MGAT4C: variants seen among roughly 807,000 people sequenced by gnomAD.
MGAT4C encodes the protein MGAT4 family member C.
MGAT4C carries 19 observed loss-of-function variants against 40.1 expected under a neutral mutation model. The observed-to-expected ratio is 0.47, with a 90% CI of 0.33 to 0.70. The LOEUF is 0.70. MGAT4C is among the 30% of genes least tolerant of loss of function. The probability of loss-of-function intolerance (pLI) is 0.02; values close to 1 mark genes in which losing one functional copy is unlikely to be tolerated. For synonymous variants in MGAT4C, 181 were observed against 187.1 expected, an observed-to-expected ratio of 0.97 and a Z score of 0.27; for missense variants, 491 against 563.2, an observed-to-expected ratio of 0.87 and a Z score of 1.30.
intron 2 of MGAT4C, among the ~76,000 whole-genome samples, chr12:86,727,008 T>C (rs1950832354): frequency 6.6e-6 from 1 of 152,134 alleles, no homozygotes; most frequent in African/African-American, 2.4e-5. Context: ...GTTAAACATA[T>C]TGAAAGGCTC....
chr12:86,201,472 C>T (rs1246861373), intron 1 of MGAT4C, among the ~76,000 whole-genome samples: 1 of 148,760 alleles, frequency 6.7e-6, no homozygotes, highest in African/African-American at 2.4e-5. Flanking sequence ...TAAAACATTT[C>T]ATATTTACAT....
At chr12:86,352,172 C>G (rs936272541) in intron 3 of MGAT4C, among the ~76,000 whole-genome samples, 1 of 151,936 alleles carries the variant, frequency 6.6e-6, no homozygotes, top group Admixed American at 6.6e-5. Flanking sequence ...TCTGTTATAA[C>G]AAAAACAATG....
At chr12:86,048,056 G>GA (rs202162322) in intron 2 of MGAT4C, among the ~76,000 whole-genome samples, 46 of 149,938 alleles carry the variant, frequency 3.1e-4, no homozygotes, top group Admixed American at 2.5e-3. Context: ...ATAAGAACAA[G>GA]AAAAAAAAAG....
At chr12:86,237,812 G>A (rs916023446) in intron 1 of MGAT4C, among the ~76,000 whole-genome samples, 1 of 152,026 alleles carries the variant, frequency 6.6e-6, no homozygotes, top group African/African-American at 2.4e-5. Flanking sequence ...GTAATTAACT[G>A]TAACAGTTAA....
chr12:86,382,040 G>A (rs760631717), intron 3 of MGAT4C, among the ~76,000 whole-genome samples: 2 of 152,068 alleles, frequency 1.3e-5, no homozygotes, highest in African/African-American at 4.8e-5. Context: ...TCTTTATCCC[G>A]AAAATGTGGA....
In MGAT4C at chr12:85,974,828, G is replaced by C. The variant is rs1413936038; in HGVS notation, c.*4461C>G. The C allele has an allele frequency of 3.3e-5, 5 of 150,386 alleles. No individual in the cohort carries two copies. Among genetic ancestry groups the C allele is most frequent in the African/African-American group, 4.9e-5 (2 of 41,186 alleles). The allele number at this position is 150,386 out of a possible 1,614,324, so 9.3% of individuals were successfully genotyped here. On this transcript the variant is annotated 3_prime_UTR_variant, in exon 5 of 5. Coordinates refer to ENST00000611864, the MANE Select transcript of MGAT4C (RefSeq NM_001351288.2). ...CAATGAAACTCAAAGTAGACTAGCAGATAAGATACCTATTTCAAACATCAG... is the reference window on the plus strand; with the variant it reads ...CAATGAAACTCAAAGTAGACTAGCACATAAGATACCTATTTCAAACATCAG...
chr12:86,780,564 A>G (rs542549956), intron 1 of MGAT4C, among the ~76,000 whole-genome samples: 1 of 152,206 alleles, frequency 6.6e-6, no homozygotes, highest in South Asian at 2.1e-4. Flanking sequence ...CCATCGTAAG[A>G]TGTGCATGGA....
At chr12:86,114,852 ACCCT>A (rs1878118040) in intron 1 of MGAT4C, among the ~76,000 whole-genome samples, 1 of 151,786 alleles carries the variant, frequency 6.6e-6, no homozygotes, top group Non-Finnish European at 1.5e-5. Flanking sequence ...TCTATTACCT[ACCCT>A]AAGGAAATAA....
At chr12:86,628,846 C>T (rs1400776208) in intron 2 of MGAT4C, among the ~76,000 whole-genome samples, 3 of 152,028 alleles carry the variant, frequency 2.0e-5, no homozygotes, top group African/African-American at 4.8e-5. Context: ...AACTAAAGGG[C>T]AAAATAACCA....
chr12:86,311,793 C>A (rs566766171), intron 4 of MGAT4C, among the ~76,000 whole-genome samples: 152 of 152,302 alleles, frequency 1.0e-3, no homozygotes, highest in Non-Finnish European at 1.7e-3. Context: ...TCCTTCTGAC[C>A]TCCACCATCT....
chr12:86,449,132 A>G (rs1188663110), intron 2 of MGAT4C, among the ~76,000 whole-genome samples: 1 of 152,186 alleles, frequency 6.6e-6, no homozygotes, highest in Non-Finnish European at 1.5e-5. Context: ...CAAAACGTTT[A>G]GGTGGTATGT....
At position 85,983,599 on chromosome 12, in the gene MGAT4C, G is replaced by C. The variant is rs1244681756; in HGVS notation, c.219C>G (p.Phe73Leu). The change falls in exon 4 of 5, where the codon TTC (phenylalanine) becomes TTG (leucine). Residue 73 changes from phenylalanine to leucine, a missense_variant. Phe to Leu is a conservative substitution (Grantham distance 22, BLOSUM62 0). Coordinates refer to ENST00000611864, the MANE Select transcript of MGAT4C (RefSeq NM_001351288.2). ...QLNSERYVHT[F>L]KDLSNFSGAI... ...CTCCTGAGAAATTAGATAAATCCTT[G>C]AAAGTATGAACATAGCGTTCTGAAT... 6.3e-7 allele frequency: 1 copy of C among 1,597,220 alleles called. No individual in the cohort carries two copies. Among genetic ancestry groups the C allele is most frequent in the Admixed American group, 1.7e-5 (1 of 57,478 alleles).
intron 1 of MGAT4C, among the ~76,000 whole-genome samples, chr12:86,201,156 G>A (rs1480375019): frequency 2.0e-5 from 3 of 152,152 alleles, no homozygotes; most frequent in Non-Finnish European, 2.9e-5. Context: ...GCTTTCAAGG[G>A]TGTGAAGTTA....
chr12:86,675,795 T>A (rs1244912297), intron 2 of MGAT4C, among the ~76,000 whole-genome samples: 1 of 152,188 alleles, frequency 6.6e-6, no homozygotes, highest in Non-Finnish European at 1.5e-5. Context: ...GAGATATCCA[T>A]CACCTTAAAT....
intron 3 of MGAT4C, among the ~76,000 whole-genome samples, chr12:86,363,620 A>C (rs1955530358): frequency 6.6e-6 from 1 of 152,116 alleles, no homozygotes; most frequent in Non-Finnish European, 1.5e-5. Flanking sequence ...ATTAGGCTTT[A>C]AAACAATGAA....
intron 1 of MGAT4C, among the ~76,000 whole-genome samples, chr12:86,767,764 A>G (rs962350587): frequency 1.3e-4 from 20 of 152,190 alleles, no homozygotes; most frequent in Non-Finnish European, 2.6e-4. Flanking sequence ...AAAGACAAAA[A>G]CCACATGATT....
At chr12:86,445,933 G>T (rs1044741566) in intron 2 of MGAT4C, among the ~76,000 whole-genome samples, 3 of 151,974 alleles carry the variant, frequency 2.0e-5, no homozygotes, top group Non-Finnish European at 2.9e-5. Context: ...TCAAATATTG[G>T]TAATATTTTA....
At chr12:86,734,429 T>C (rs1460877465) in intron 1 of MGAT4C, among the ~76,000 whole-genome samples, 2 of 152,038 alleles carry the variant, frequency 1.3e-5, no homozygotes, top group African/African-American at 4.8e-5. Flanking sequence ...TCCTTCATTC[T>C]AATGGAAAGG....
chr12:86,801,214 C>A (rs1952219289), intron 1 of MGAT4C, among the ~76,000 whole-genome samples: 1 of 151,868 alleles, frequency 6.6e-6, no homozygotes, highest in African/African-American at 2.4e-5. Flanking sequence ...AGACAGCTCT[C>A]CTTGTCTAAA....
Sources: gnomAD v4.1 joint callset for allele counts (sites outside exome capture counted in the v4.1 genomes callset) on GRCh38, gnomAD v4.1.1 for gene constraint, MANE v1.5 for transcripts, NCBI Gene and HGNC (gene_info 2026-07-23, HGNC 2026-07-21) for gene names.